KCTD16: variants seen among roughly 807,000 people sequenced by gnomAD.
KCTD16 encodes potassium channel tetramerization domain containing 16, also known as BTB/POZ domain-containing protein KCTD16.
KCTD16 carries 13 observed loss-of-function variants against 33.2 expected under a neutral mutation model. That is an observed-to-expected ratio of 0.39 (90% CI 0.25 to 0.62). The LOEUF (loss-of-function observed/expected upper bound fraction) is 0.62, where lower values mean the gene tolerates loss of function less well. Ranked by LOEUF, KCTD16 falls within the 20% of genes least tolerant of loss-of-function variation. The pLI is 0.50. For synonymous variants in KCTD16, 197 were observed against 195.3 expected, an observed-to-expected ratio of 1.01 and a Z score of -0.07; for missense variants, 441 against 525.1, an observed-to-expected ratio of 0.84 and a Z score of 1.57.
chr5:144,209,910 A>G (rs966544865), intron 3 of KCTD16, among the ~76,000 whole-genome samples: 81 of 146,484 alleles, frequency 5.5e-4, no homozygotes, highest in East Asian at 1.4e-3. Context: ...ATATATATGT[A>G]TATATATATA....
At chr5:144,184,252 C>T (rs1226450443) in intron 2 of KCTD16, among the ~76,000 whole-genome samples, 2 of 152,120 alleles carry the variant, frequency 1.3e-5, no homozygotes, top group African/African-American at 4.8e-5. Context: ...TTAAACTTCC[C>T]ACCCCAGCTC....
At chr5:144,179,406 A>AGGCCCT (rs1181290464) in intron 2 of KCTD16, among the ~76,000 whole-genome samples, 1 of 152,196 alleles carries the variant, frequency 6.6e-6, no homozygotes, top group Non-Finnish European at 1.5e-5. Flanking sequence ...TGTACACCAC[A>AGGCCCT]GGCCCTGCTT....
intron 3 of KCTD16, among the ~76,000 whole-genome samples, chr5:144,447,658 G>T (rs1039404874): frequency 2.0e-5 from 3 of 151,916 alleles, no homozygotes; most frequent in Non-Finnish European, 4.4e-5. Context: ...CTGAGACAGG[G>T]TAGATATTCA....
At chr5:144,277,043 TAG>T (rs760961782) in intron 3 of KCTD16, among the ~76,000 whole-genome samples, 9 of 152,192 alleles carry the variant, frequency 5.9e-5, no homozygotes, top group Non-Finnish European at 1.3e-4. Flanking sequence ...GCTCTGAGTG[TAG>T]AGTTAATATC....
chr5:144,359,651 T>A (rs988410244), intron 3 of KCTD16, among the ~76,000 whole-genome samples: 1 of 150,866 alleles, frequency 6.6e-6, no homozygotes, highest in South Asian at 2.1e-4. Context: ...TTGTCATAAC[T>A]GGGGATGGGG....
intron 3 of KCTD16, among the ~76,000 whole-genome samples, chr5:144,351,799 G>A (rs775366047): frequency 7.9e-5 from 12 of 152,112 alleles, no homozygotes; most frequent in Non-Finnish European, 1.2e-4. Context: ...GACTCATAAA[G>A]ACAAAAACTG....
chr5:144,409,788 A>G (rs1580940234), intron 3 of KCTD16, among the ~76,000 whole-genome samples: 1 of 152,190 alleles, frequency 6.6e-6, no homozygotes, highest in Middle Eastern at 3.4e-3. Flanking sequence ...CTGCACTCCA[A>G]CCTGGGCAAC....
intron 2 of KCTD16, among the ~76,000 whole-genome samples, chr5:144,180,821 A>G (rs1362818815): frequency 2.0e-5 from 3 of 152,222 alleles, no homozygotes; most frequent in East Asian, 1.9e-4. Flanking sequence ...TACCATTTCT[A>G]CATCATCCTT....
intron 3 of KCTD16, among the ~76,000 whole-genome samples, chr5:144,327,883 AAC>A (rs1259620516): frequency 6.6e-5 from 10 of 152,280 alleles, no homozygotes; most frequent in Non-Finnish European, 8.8e-5. Context: ...CGATGTTATA[AAC>A]ACTGCAGTGA....
rs397999492 is a variant in KCTD16 at position 144,388,065 on chromosome 5, G to GTTTTTTTTTTTTTTTTTT, written c.833-85582_833-85565dup. On this transcript the variant is annotated intron_variant, in intron 3 of 3. Coordinates refer to ENST00000512467, the MANE Select transcript of KCTD16 (RefSeq NM_020768.4). Reference sequence around the variant, plus strand: ...AATCCAGAGTTCAATTTTAGAGCAAGTTTTTTTTTTTTTTTTTTTTTTTTT... The same window carrying GTTTTTTTTTTTTTTTTTT: ...AATCCAGAGTTCAATTTTAGAGCAAGTTTTTTTTTTTTTTTTTTTTTTTTTTTTTTTTTTTTTTTTTTT... Among the ~76,000 whole-genome samples the GTTTTTTTTTTTTTTTTTT allele has an allele frequency of 2.0e-4, 15 of 73,662 alleles. 4 individuals are homozygous for GTTTTTTTTTTTTTTTTTT. Among genetic ancestry groups the GTTTTTTTTTTTTTTTTTT allele is most frequent in the African/African-American group, 8.7e-4 (14 of 16,102 alleles). The allele number at this position is 73,662 out of a possible 152,430, so 48.3% of individuals were successfully genotyped here. A position where few individuals can be genotyped will look rare whatever the true frequency, so the allele number is the denominator to read the frequency against.
At chr5:144,455,500 T>G (rs1031813363) in intron 3 of KCTD16, among the ~76,000 whole-genome samples, 1 of 152,208 alleles carries the variant, frequency 6.6e-6, no homozygotes, top group African/African-American at 2.4e-5. Context: ...GAAAGTTCAA[T>G]GAAGACTTGA....
At chr5:144,415,372 T>A (rs547846166) in intron 3 of KCTD16, among the ~76,000 whole-genome samples, 1 of 152,052 alleles carries the variant, frequency 6.6e-6, no homozygotes, top group Non-Finnish European at 1.5e-5. Flanking sequence ...CATATTACCA[T>A]TAATGGAACC....
rs1465731593 is a variant in KCTD16 at position 144,476,633 on chromosome 5, G to A, written c.*2519G>A. On this transcript the variant is annotated 3_prime_UTR_variant, in exon 4 of 4. Transcript: ENST00000512467. ...TTCAAGTAACTAAGACAACAGCATG[G>A]CATTTATTTGTGTGAGTGTTTATAT... 6.6e-6 allele frequency: 1 copy of A among 152,118 alleles called. No individual in the cohort carries two copies. The highest frequency in any genetic ancestry group is 2.4e-5 in the African/African-American group (1 of 41,428). 9.4% of individuals were successfully genotyped at this position (152,118 alleles called of 1,614,324 possible). A position where few individuals can be genotyped will look rare whatever the true frequency, so the allele number is the denominator to read the frequency against.
chr5:144,431,894 T>TAATGGAA (rs1300804849), intron 3 of KCTD16, among the ~76,000 whole-genome samples: 1 of 152,200 alleles, frequency 6.6e-6, no homozygotes, highest in Non-Finnish European at 1.5e-5. Context: ...ATATAAAAAG[T>TAATGGAA]AATGGAAAAT....
At chr5:144,241,148 G>A (rs973845177) in intron 3 of KCTD16, among the ~76,000 whole-genome samples, 2 of 152,098 alleles carry the variant, frequency 1.3e-5, no homozygotes, top group African/African-American at 2.4e-5. Flanking sequence ...GAAGTGTCTT[G>A]AGCTTTAGTC....
chr5:144,410,172 G>T (rs1044722590), intron 3 of KCTD16, among the ~76,000 whole-genome samples: 3 of 152,208 alleles, frequency 2.0e-5, no homozygotes, highest in Non-Finnish European at 4.4e-5. Context: ...GCTTTGCTGT[G>T]CATGGGCTCT....
intron 3 of KCTD16, among the ~76,000 whole-genome samples, chr5:144,472,173 G>A (rs939616402): frequency 6.6e-6 from 1 of 152,106 alleles, no homozygotes; most frequent in African/African-American, 2.4e-5. Flanking sequence ...ACTGTATAAA[G>A]GTACTACGTT....
chr5:144,199,346 C>T (rs1213240935), intron 2 of KCTD16, among the ~76,000 whole-genome samples: 1 of 152,176 alleles, frequency 6.6e-6, no homozygotes, highest in Non-Finnish European at 1.5e-5. Context: ...AAGAAGACTC[C>T]ACCAACATGT....
At chr5:144,193,874 G>A (rs1752891189) in intron 2 of KCTD16, among the ~76,000 whole-genome samples, 1 of 152,188 alleles carries the variant, frequency 6.6e-6, no homozygotes, top group Non-Finnish European at 1.5e-5. Context: ...CCAATGGAAA[G>A]GGAGGGATCA....
Sources: allele counts gnomAD v4.1 joint callset (sites outside exome capture counted in the v4.1 genomes callset), GRCh38; gene constraint gnomAD v4.1.1; transcripts MANE v1.5; gene names NCBI Gene and HGNC (gene_info 2026-07-23, HGNC 2026-07-21).